The following SETD5 variants were observed in gnomAD, a reference collection of about 807,000 sequenced individuals.
SETD5 encodes the protein SET domain containing 5.
A neutral mutation model predicts 153.3 loss-of-function variants in SETD5; 44 were observed. The observed-to-expected ratio is 0.29, with a 90% CI of 0.23 to 0.37. The LOEUF is 0.37. SETD5 is among the 10% of genes least tolerant of loss of function. SETD5 has a pLI of 1.00. For synonymous variants in SETD5, 716 were observed against 645.2 expected, an observed-to-expected ratio of 1.11 and a Z score of -1.66; for missense variants, 1,544 against 1,768.0, an observed-to-expected ratio of 0.87 and a Z score of 2.27.
intron 2 of SETD5, among the ~76,000 whole-genome samples, chr3:9,425,052 TTTC>T (rs2038949655): frequency 7.1e-6 from 1 of 140,526 alleles, no homozygotes; most frequent in African/African-American, 2.8e-5. Context: ...ACCGACAATG[TTTC>T]TTTTTTTTTT....
At position 9,470,511 on chromosome 3, in the gene SETD5, A is replaced by C. The variant is rs750303367; in HGVS notation, c.2777A>C (p.Asn926Thr). 6.2e-7 allele frequency: 1 copy of C among 1,613,904 alleles called. No individual in the cohort carries two copies. The highest frequency in any genetic ancestry group is 1.1e-5 in the South Asian group (1 of 91,072). ...DLAKVGYLDS[N>T]TNSCADRPSL... ...GCAAAAGTAGGATACCTTGACTCCA[A>C]CACTAACAGCTGTGCTGATAGACCT... Residue 926 changes from asparagine (N) to threonine (T), a missense_variant, in exon 19 of 23, where the codon AAC becomes ACC. Asn to Thr is a moderately conservative substitution (Grantham distance 65). Transcript: ENST00000402198.
chr3:9,412,521 A>C (rs996559879), intron 1 of SETD5, among the ~76,000 whole-genome samples: 12 of 150,616 alleles, frequency 8.0e-5, no homozygotes, highest in African/African-American at 2.7e-4. Flanking sequence ...TCCCACCTCA[A>C]CCTCCAGTGT....
chr3:9,474,784 T>A (rs2045681726), intron 21 of SETD5: 1 of 707,330 alleles, frequency 1.4e-6, no homozygotes, highest in Non-Finnish European at 2.3e-6. Context: ...TCTGCTCTTT[T>A]TTCCCCAAGG....
At chr3:9,410,277 A>G (rs1349245155) in intron 1 of SETD5, among the ~76,000 whole-genome samples, 1 of 152,192 alleles carries the variant, frequency 6.6e-6, no homozygotes, top group Non-Finnish European at 1.5e-5. Context: ...TATAAAAGAT[A>G]AAAAATGGTA....
intron 1 of SETD5, among the ~76,000 whole-genome samples, chr3:9,402,302 G>A (rs922616365): frequency 1.3e-5 from 2 of 152,096 alleles, no homozygotes; most frequent in East Asian, 1.9e-4. Flanking sequence ...AGGGAACTAT[G>A]GGATAAAATA....
chr3:9,470,947 T>C lies in SETD5; in HGVS notation c.3195+18T>C, dbSNP rs879140775. The stretch of plus-strand genomic sequence containing the variant: ...GGAAAAAAGTAAGTGTTTCATGTTA[T>C]ATCGGCGAACTTTTCAAGAATGTTA... On this transcript the variant is annotated intron_variant, in intron 19 of 22. Transcript: ENST00000402198. The C allele has an allele frequency of 2.9e-6, 4 of 1,387,776 alleles. No homozygotes were observed. Among genetic ancestry groups the C allele is most frequent in the Non-Finnish European group, 3.9e-6 (4 of 1,013,674 alleles). The allele number at this position is 1,387,776 out of a possible 1,614,324, so 86.0% of individuals were successfully genotyped here.
At chr3:9,398,007 C>G (rs2033959356) in intron 1 of SETD5, 30 bp downstream of exon 1, 1 of 152,166 alleles carries the variant, frequency 6.6e-6, no homozygotes, top group African/African-American at 2.4e-5. Flanking sequence ...GAGACCGAAC[C>G]TCACGATCGG....
chr3:9,446,016 G>A lies in SETD5; in HGVS notation c.1524+276G>A, dbSNP rs1340613320. On this transcript the variant is annotated intron_variant, in intron 13 of 22. Transcript: ENST00000402198. ...TAACAATCTGGTTTCCGCTGGGCGC[G>A]GTGGCTCACGCCTGTAATCCCAGCA... Among the ~76,000 whole-genome samples, 5 of 139,070 alleles carry A rather than the reference G, an allele frequency of 3.6e-5. No individual in the cohort carries two copies. In the East Asian group the frequency reaches 6.2e-4, roughly 17 times the overall value. 91.2% of individuals were successfully genotyped at this position (139,070 alleles called of 152,430 possible).
rs188895397 is a variant in SETD5, at chr3:9,449,071, G to A, written c.2346+441G>A. 4.6e-5 allele frequency among the ~76,000 whole-genome samples: 7 copies of A among 152,322 alleles called. No individual in the cohort carries two copies. The East Asian group carries it at 5.8e-4, about 13-fold the overall frequency. On this transcript the variant is annotated intron_variant, in intron 16 of 22. Transcript: ENST00000402198. ...TAAATTGTTTTGAATCAATTCAACC[G>A]TTATTATCCACTATCATCACTTGAA... is the stretch of plus-strand genomic sequence containing the variant.
chr3:9,448,406 T>G lies in SETD5; in HGVS notation c.2122T>G (p.Leu708Val). 1 of 1,613,942 alleles carries G rather than the reference T, an allele frequency of 6.2e-7. No individual in the cohort carries two copies. The highest frequency in any genetic ancestry group is 8.5e-7 in the Non-Finnish European group (1 of 1,179,850). Residue 708 changes from leucine (L) to valine (V), a missense_variant, in exon 16 of 23, where the codon TTG (leucine) becomes GTG (valine). Physicochemically the swap from Leu to Val is conservative, Grantham distance 32 (BLOSUM62 1). This residue lies in a region of SETD5 where 782 missense variants were observed against 787.2 expected (regional missense o/e 0.99). Coordinates refer to ENST00000402198, the MANE Select transcript of SETD5 (RefSeq NM_001080517.3). Reference sequence around the variant, plus strand: ...ACCTTAGTATCTAGTTACAGAATGGTTGAATGACAAAGCAGAGAAGCAAGA... The same window carrying G: ...ACCTTAGTATCTAGTTACAGAATGGGTGAATGACAAAGCAGAGAAGCAAGA... Reference protein sequence around the residue: ...KTKKYLVTEWLNDKAEKQECP... With the variant: ...KTKKYLVTEWVNDKAEKQECP...
At chr3:9,426,355 C>T (rs1240302826) in intron 2 of SETD5, among the ~76,000 whole-genome samples, 1 of 149,944 alleles carries the variant, frequency 6.7e-6, no homozygotes, top group Non-Finnish European at 1.5e-5. Flanking sequence ...CCACCTCAGC[C>T]TCTTGAGTTA....
At chr3:9,460,781 T>G (rs2043864848) in intron 17 of SETD5, among the ~76,000 whole-genome samples, 1 of 152,180 alleles carries the variant, frequency 6.6e-6, no homozygotes, top group Admixed American at 6.5e-5. Flanking sequence ...ACCCCATATT[T>G]AAGTATGTTC....
intron 1 of SETD5, among the ~76,000 whole-genome samples, chr3:9,407,820 G>A (rs2035945546): frequency 1.3e-5 from 2 of 152,230 alleles, no homozygotes; most frequent in South Asian, 4.1e-4. Context: ...GACCAACATG[G>A]AGAAACCCCA....
rs532059850 is a variant in SETD5, at chr3:9,439,843, G to T, written c.568-613G>T. Among the ~76,000 whole-genome samples the T allele has an allele frequency of 2.0e-5, 3 of 152,280 alleles. No individual in the cohort carries two copies. The East Asian group carries it at 5.8e-4, about 29-fold the overall frequency. The stretch of plus-strand genomic sequence containing the variant: ...TAATTTAAATTGTTGAAAATAGAGT[G>T]TTAGAAAGATATACTCAAATAATAA... On this transcript the variant is annotated intron_variant, in intron 7 of 22. Transcript: ENST00000402198.
chr3:9,419,508 G>A lies in SETD5; in HGVS notation c.-176-4959G>A, dbSNP rs1306112952. On this transcript the variant is annotated intron_variant, in intron 1 of 22. Coordinates refer to ENST00000402198, the MANE Select transcript of SETD5 (RefSeq NM_001080517.3). Reference sequence around the variant, plus strand: ...TTGAGCCCAGGAGGTTGAGGTTGCGGTGAGCTGTGATTGCACCAAAGCACT... The same window carrying A: ...TTGAGCCCAGGAGGTTGAGGTTGCGATGAGCTGTGATTGCACCAAAGCACT... 2.6e-5 allele frequency among the ~76,000 whole-genome samples: 4 copies of A among 152,104 alleles called. No individual in the cohort carries two copies. The East Asian group carries it at 5.8e-4, about 22-fold the overall frequency.
chr3:9,427,753 C>T (rs1031099836), intron 2 of SETD5, among the ~76,000 whole-genome samples: 7 of 152,050 alleles, frequency 4.6e-5, no homozygotes, highest in Non-Finnish European at 8.8e-5. Context: ...ACTTTATTCC[C>T]CCCCAAATAA....
chr3:9,400,410 C>A (rs1273459938), intron 1 of SETD5, among the ~76,000 whole-genome samples: 3 of 152,182 alleles, frequency 2.0e-5, no homozygotes, highest in Non-Finnish European at 4.4e-5. Context: ...TTTCCTGCAG[C>A]TCACATATCA....
intron 2 of SETD5, among the ~76,000 whole-genome samples, chr3:9,425,055 CTTTTTTTT>C (rs778883904): frequency 1.2e-4 from 10 of 83,682 alleles, no homozygotes; most frequent in African/African-American, 3.9e-4. Context: ...GACAATGTTT[CTTTTTTTT>C]TTTTTTTTTT....
intron 21 of SETD5, 142 bp downstream of exon 21, chr3:9,474,724 T>G: frequency 8.6e-7 from 1 of 1,168,170 alleles, no homozygotes; most frequent in Admixed American, 2.4e-5. Context: ...AGCCCACTTA[T>G]GCTCATTTGG....
Sources: gnomAD v4.1 joint callset for allele counts (sites outside exome capture counted in the v4.1 genomes callset) on GRCh38, gnomAD v4.1.1 for gene constraint, gnomAD v4.1.1 regional missense constraint, MANE v1.5 for transcripts, NCBI Gene and HGNC (gene_info 2026-07-23, HGNC 2026-07-21) for gene names.